Variants in PEX5L observed in about 807,000 individuals in gnomAD.
PEX5L encodes peroxisomal biogenesis factor 5 like.
PEX5L carries 30 observed loss-of-function variants against 84.0 expected under a neutral mutation model. The ratio of observed to expected loss-of-function variants is 0.36; its 90% CI spans 0.27 to 0.48. The LOEUF is 0.48. Ranked by LOEUF, PEX5L falls within the 20% of genes least tolerant of loss-of-function variation. PEX5L has a pLI of 0.99. For missense variants in PEX5L, 533 were observed against 754.6 expected (o/e 0.71, Z 3.44); for synonymous variants, 270 against 283.1 (o/e 0.95, Z 0.46).
chr3:180,022,346 A>C (rs1790494475), intron 1 of PEX5L, among the ~76,000 whole-genome samples: 1 of 152,178 alleles, frequency 6.6e-6, no homozygotes, highest in Non-Finnish European at 1.5e-5. Flanking sequence ...AATAATTTTG[A>C]TCCTGCCATT....
chr3:179,860,001 A>T (rs1346065864), intron 7 of PEX5L, among the ~76,000 whole-genome samples: 5 of 152,254 alleles, frequency 3.3e-5, no homozygotes, highest in Non-Finnish European at 7.3e-5. Context: ...AAACATTTAA[A>T]CACATAATGT....
rs535351976 is a variant in PEX5L at position 179,954,158 on chromosome 3, T to C, written c.93+17436A>G. On this transcript the variant is annotated intron_variant, in intron 2 of 14. Transcript: ENST00000467460. Reference sequence around the variant, plus strand: ...CTTTTGTACCTGCCTTGGATACATTTACTATTTAAGTTCCACAAGAACAAG... The same window carrying C: ...CTTTTGTACCTGCCTTGGATACATTCACTATTTAAGTTCCACAAGAACAAG... Among the ~76,000 whole-genome samples, 3 of 145,730 alleles carry C rather than the reference T, an allele frequency of 2.1e-5. No homozygotes were observed. The East Asian group carries it at 6.2e-4, about 30-fold the overall frequency.
intron 14 of PEX5L, among the ~76,000 whole-genome samples, chr3:179,804,827 G>T (rs1030291686): frequency 6.6e-6 from 1 of 152,090 alleles, no homozygotes; most frequent in East Asian, 1.9e-4. Flanking sequence ...TAAGATTTAT[G>T]TCTCTCTCTC....
At chr3:179,914,570 G>A (rs573031108) in intron 2 of PEX5L, among the ~76,000 whole-genome samples, 52 of 152,258 alleles carry the variant, frequency 3.4e-4, no homozygotes, top group African/African-American at 1.2e-3. Context: ...GTTAAATGAA[G>A]GCTTACTGGA....
At chr3:179,934,231 A>T (rs1773954706) in intron 2 of PEX5L, among the ~76,000 whole-genome samples, 1 of 152,248 alleles carries the variant, frequency 6.6e-6, no homozygotes. Flanking sequence ...TTGCATTTAC[A>T]TATAGCACAT....
intron 1 of PEX5L, among the ~76,000 whole-genome samples, chr3:179,992,109 T>G (rs1349572915): frequency 3.9e-5 from 6 of 152,198 alleles, no homozygotes; most frequent in Admixed American, 2.6e-4. Context: ...ACAAATAGTC[T>G]AATCATCAAA....
At chr3:179,829,921 A>T (rs1189340988) in intron 8 of PEX5L, among the ~76,000 whole-genome samples, 1 of 143,626 alleles carries the variant, frequency 7.0e-6, no homozygotes, top group African/African-American at 2.6e-5. Flanking sequence ...GAATTACAGG[A>T]GCCTGCCACC....
chr3:179,900,875 T>C (rs941262059), intron 2 of PEX5L: 2 of 612,154 alleles, frequency 3.3e-6, no homozygotes, highest in Non-Finnish European at 5.8e-6. Context: ...AATGGGAAGG[T>C]CTGCCACAAT....
Position 179,811,815 on chromosome 3 carries a change from A to G in PEX5L, c.1140T>C (p.Ile380=). ...QAENENEQAA[I]VALQRCLELQ... is the part of the protein sequence containing the mutation. Reference sequence around the variant, plus strand: ...GCTTCCTTTACCTCTGGAGGGCGACAATAGCTGCTTGTTCATTTTCATTCT... The same window carrying G: ...GCTTCCTTTACCTCTGGAGGGCGACGATAGCTGCTTGTTCATTTTCATTCT... Residue 380 remains isoleucine, a synonymous_variant, in exon 11 of 15, where the codon ATT becomes ATC. Transcript: ENST00000467460. 8 of 1,613,924 alleles carry G rather than the reference A, an allele frequency of 5.0e-6. No homozygotes were observed. The highest frequency in any genetic ancestry group is 6.8e-6 in the Non-Finnish European group (8 of 1,179,784).
intron 1 of PEX5L, among the ~76,000 whole-genome samples, chr3:180,004,415 A>G (rs1036884922): frequency 1.3e-5 from 2 of 152,212 alleles, no homozygotes; most frequent in Non-Finnish European, 2.9e-5. Flanking sequence ...CTGCAGATAA[A>G]TCTTTTTGGT....
At chr3:179,923,715 T>C (rs1368654771) in intron 2 of PEX5L, among the ~76,000 whole-genome samples, 8 of 152,350 alleles carry the variant, frequency 5.3e-5, no homozygotes, top group African/African-American at 1.9e-4. Context: ...ATTTCTTTAT[T>C]TCTCTATTTC....
Position 180,010,263 on chromosome 3 carries a change from TTTTC to T in PEX5L, c.21+26312_21+26315del, listed in dbSNP as rs1416079965. Among the ~76,000 whole-genome samples the T allele has an allele frequency of 2.1e-3, 303 of 141,926 alleles. 6 individuals carry two copies. The East Asian group carries it at 0.029, about 14-fold the overall frequency. The allele number at this position is 141,926 out of a possible 152,430, so 93.1% of individuals were successfully genotyped here. ...CCCGGCCTCTTTTTTTTTTTTTTTT[TTTTC>T]TGTAGAGATGGAGGTCTTACTATGT... On this transcript the variant is annotated intron_variant, in intron 1 of 14. Transcript: ENST00000467460.
At chr3:180,003,269 T>C (rs1185949307) in intron 1 of PEX5L, among the ~76,000 whole-genome samples, 2 of 152,184 alleles carry the variant, frequency 1.3e-5, no homozygotes, top group Admixed American at 6.5e-5. Flanking sequence ...ACATCTGGGA[T>C]TTAATCCATT....
At chr3:180,027,510 A>G (rs575762469) in intron 1 of PEX5L, among the ~76,000 whole-genome samples, 296 of 152,248 alleles carry the variant, frequency 1.9e-3, no homozygotes, top group African/African-American at 6.8e-3. Flanking sequence ...ATATATACAC[A>G]CACACATGCA....
chr3:179,823,890 C>A (rs1219105108), intron 8 of PEX5L, among the ~76,000 whole-genome samples: 2 of 152,044 alleles, frequency 1.3e-5, no homozygotes, highest in Non-Finnish European at 2.9e-5. Context: ...GATCTTAGCA[C>A]AGAATCACAT....
Position 179,993,798 on chromosome 3 carries a change from C to T in PEX5L, c.22-22133G>A, listed in dbSNP as rs751291989. Among the ~76,000 whole-genome samples, 8 of 152,234 alleles carry T rather than the reference C, an allele frequency of 5.3e-5. No homozygotes were observed. The South Asian group carries it at 1.2e-3, about 24-fold the overall frequency. ...AATTACAGGCATGAGCCACCGCATC[C>T]GGCTTTCCCATATACTTTAAATCAT... On this transcript the variant is annotated intron_variant, in intron 1 of 14. Transcript: ENST00000467460.
intron 2 of PEX5L, among the ~76,000 whole-genome samples, chr3:179,950,472 C>T (rs1404747712): frequency 1.3e-5 from 2 of 152,006 alleles, no homozygotes. Context: ...TGTAACAAAC[C>T]TGCACATTGT....
At chr3:179,809,922 C>T (rs946477262) in intron 11 of PEX5L, among the ~76,000 whole-genome samples, 2 of 147,952 alleles carry the variant, frequency 1.4e-5, no homozygotes, top group Non-Finnish European at 3.0e-5. Flanking sequence ...AACTATGTGG[C>T]TTATCCCTGC....
intron 8 of PEX5L, among the ~76,000 whole-genome samples, chr3:179,824,706 C>CAAAA (rs11296415): frequency 2.6e-4 from 18 of 70,492 alleles, no homozygotes; most frequent in Admixed American, 3.4e-4. Context: ...AACTCCATCT[C>CAAAA]AAAAAAAAAA....
Sources: gnomAD v4.1 joint callset for allele counts (sites outside exome capture counted in the v4.1 genomes callset) on GRCh38, gnomAD v4.1.1 for gene constraint, MANE v1.5 for transcripts, NCBI Gene and HGNC (gene_info 2026-07-23, HGNC 2026-07-21) for gene names.